LPP: variants seen among roughly 807,000 people sequenced by gnomAD.
LPP encodes the protein LIM domain containing preferred translocation partner in lipoma.
Under a neutral mutation model 60.4 loss-of-function variants are expected in LPP, and 38 were observed. That is an observed-to-expected ratio of 0.63 (90% CI 0.49 to 0.83). LPP has a LOEUF of 0.83. LPP is among the 40% of genes least tolerant of loss of function. The pLI, the probability that LPP is intolerant of heterozygous loss-of-function variation, is 0.00. For synonymous variants in LPP, 328 were observed against 290.8 expected (o/e 1.13, Z -1.30); for missense variants, 902 against 783.6 (o/e 1.15, Z -1.80).
chr3:188,314,948 CT>C (rs1484691365), intron 2 of LPP, among the ~76,000 whole-genome samples: 1 of 151,414 alleles, frequency 6.6e-6, no homozygotes, highest in African/African-American at 2.4e-5. Context: ...CACTTATTGC[CT>C]TTTTTGGAGT....
chr3:188,373,062 T>G (rs940218874), intron 3 of LPP, among the ~76,000 whole-genome samples: 4 of 152,098 alleles, frequency 2.6e-5, no homozygotes, highest in African/African-American at 9.7e-5. Flanking sequence ...CTGCATAGTA[T>G]TCCATGGTGT....
chr3:188,236,101 A>G (rs1274292362), intron 2 of LPP, among the ~76,000 whole-genome samples: 1 of 152,208 alleles, frequency 6.6e-6, no homozygotes, highest in Non-Finnish European at 1.5e-5. Flanking sequence ...AGACAGAAAA[A>G]TTAATGAGTA....
At chr3:188,779,779 T>C (rs930740128) in intron 9 of LPP, among the ~76,000 whole-genome samples, 1 of 152,090 alleles carries the variant, frequency 6.6e-6, no homozygotes, top group African/African-American at 2.4e-5. Flanking sequence ...TTACAACATG[T>C]TTTCATTGGT....
chr3:188,552,417 A>G (rs1828386992), intron 6 of LPP, among the ~76,000 whole-genome samples: 1 of 152,170 alleles, frequency 6.6e-6, no homozygotes, highest in Admixed American at 6.6e-5. Context: ...AAGACTGGAG[A>G]ATAGGAGTGG....
chr3:188,166,724 C>A (rs3852059), intron 1 of LPP, among the ~76,000 whole-genome samples: 96,618 of 151,968 alleles, frequency 0.64, 31,021 homozygotes, highest in East Asian at 0.8. Context: ...TCTCTGAGTC[C>A]GGCTCTAGCT....
At chr3:188,468,846 C>T (rs1199458319) in intron 4 of LPP, among the ~76,000 whole-genome samples, 1 of 152,134 alleles carries the variant, frequency 6.6e-6, no homozygotes, top group Non-Finnish European at 1.5e-5. Flanking sequence ...GAATGAAAGA[C>T]CTTCTGAGGC....
chr3:188,785,547 T>TATATATATATATATAC (rs1206082559), intron 9 of LPP, among the ~76,000 whole-genome samples: 1 of 43,834 alleles, frequency 2.3e-5, no homozygotes, highest in Admixed American at 3.1e-4. Flanking sequence ...TATATATATA[T>TATATATATATATATAC]ACACACACAC....
intron 1 of LPP, among the ~76,000 whole-genome samples, chr3:188,211,483 G>A (rs1734671524): frequency 6.6e-6 from 1 of 151,970 alleles, no homozygotes. Context: ...CCATCTCGGA[G>A]CACCTCCTAT....
chr3:188,796,019 C>T (rs80274047), intron 9 of LPP, among the ~76,000 whole-genome samples: 5,403 of 152,226 alleles, frequency 0.035, 318 homozygotes, highest in African/African-American at 0.12. Flanking sequence ...CAGCCTATCA[C>T]ATGTCAGGCA....
chr3:188,848,124 T>C (rs1019932547), intron 9 of LPP, among the ~76,000 whole-genome samples: 5 of 152,234 alleles, frequency 3.3e-5, no homozygotes, highest in African/African-American at 1.2e-4. Flanking sequence ...TTCTCAATTT[T>C]ATGAAATTCC....
chr3:188,804,171 T>C (rs2140293), intron 9 of LPP, among the ~76,000 whole-genome samples: 32,958 of 142,456 alleles, frequency 0.23, 5,326 homozygotes, highest in East Asian at 0.8. Flanking sequence ...TAAAATTATT[T>C]ATTCTAGTAG....
At chr3:188,508,265 C>T (rs77562115) in intron 5 of LPP, among the ~76,000 whole-genome samples, 1,946 of 152,272 alleles carry the variant, frequency 0.013, 22 homozygotes, top group Non-Finnish European at 0.02. Flanking sequence ...ACATATCCTT[C>T]CTGTCCTAGT....
At chr3:188,346,338 C>T (rs1278502754) in intron 3 of LPP, among the ~76,000 whole-genome samples, 4 of 139,576 alleles carry the variant, frequency 2.9e-5, no homozygotes, top group Non-Finnish European at 6.0e-5. Flanking sequence ...TGGTTTACTG[C>T]AGCCTCCGCC....
intron 9 of LPP, among the ~76,000 whole-genome samples, chr3:188,829,224 C>A (rs1049743046): frequency 6.6e-6 from 1 of 152,136 alleles, no homozygotes; most frequent in Non-Finnish European, 1.5e-5. Flanking sequence ...TTCCCTCCAC[C>A]GCCTCTCCTC....
chr3:188,707,946 A>T (rs1865813864), intron 7 of LPP, among the ~76,000 whole-genome samples: 1 of 152,234 alleles, frequency 6.6e-6, no homozygotes, highest in Non-Finnish European at 1.5e-5. Flanking sequence ...TAAGAAAGAA[A>T]GACTCAATTT....
chr3:188,459,958 T>C (rs1798622422), intron 4 of LPP, among the ~76,000 whole-genome samples: 1 of 152,172 alleles, frequency 6.6e-6, no homozygotes, highest in Non-Finnish European at 1.5e-5. Flanking sequence ...ATTGGAAATA[T>C]CTACCTTCAA....
intron 2 of LPP, among the ~76,000 whole-genome samples, chr3:188,302,271 T>C (rs948674297): frequency 6.6e-5 from 10 of 152,232 alleles, no homozygotes; most frequent in Non-Finnish European, 1.3e-4. Flanking sequence ...TGCCTAAGTT[T>C]ACATGATTAA....
intron 1 of LPP, among the ~76,000 whole-genome samples, chr3:188,166,359 T>C (rs1202510791): frequency 6.6e-6 from 1 of 152,190 alleles, no homozygotes; most frequent in Non-Finnish European, 1.5e-5. Context: ...AGAGTAGTGA[T>C]GGAACAACCA....
intron 6 of LPP, among the ~76,000 whole-genome samples, chr3:188,564,012 G>A (rs901502516): frequency 3.3e-5 from 5 of 151,902 alleles, no homozygotes; most frequent in Non-Finnish European, 7.4e-5. Context: ...AAACAGCCAC[G>A]ACTCTTCGCT....
Sources: allele counts gnomAD v4.1 joint callset (sites outside exome capture counted in the v4.1 genomes callset), GRCh38; gene constraint gnomAD v4.1.1; transcripts MANE v1.5; gene names NCBI Gene and HGNC (gene_info 2026-07-23, HGNC 2026-07-21).